BRINP3: variants seen among roughly 807,000 people sequenced by gnomAD.
BRINP3 encodes the protein BMP/retinoic acid-inducible neural-specific protein 3.
BRINP3 carries 19 observed loss-of-function variants against 71.0 expected under a neutral mutation model. The observed-to-expected ratio is 0.27, with a 90% CI of 0.19 to 0.39. BRINP3 has a LOEUF of 0.39. Ranked by LOEUF, BRINP3 falls within the 10% of genes least tolerant of loss-of-function variation. BRINP3 has a pLI of 1.00. For missense variants in BRINP3, 959 were observed against 940.8 expected (o/e 1.02, Z -0.25); for synonymous variants, 380 against 337.7 (o/e 1.13, Z -1.37).
At chr1:190,188,651 C>A (rs191418937) in intron 6 of BRINP3, among the ~76,000 whole-genome samples, 1 of 151,780 alleles carries the variant, frequency 6.6e-6, no homozygotes, top group East Asian at 1.9e-4. Context: ...TATTGTATCA[C>A]ATTTATTGCT....
chr1:190,463,137 G>A (rs1676505455), intron 1 of BRINP3, among the ~76,000 whole-genome samples: 1 of 151,716 alleles, frequency 6.6e-6, no homozygotes, highest in Non-Finnish European at 1.5e-5. Flanking sequence ...AAAATTGTAA[G>A]ATTAATCCAG....
At chr1:190,202,517 G>A (rs959023708) in intron 6 of BRINP3, among the ~76,000 whole-genome samples, 1 of 152,050 alleles carries the variant, frequency 6.6e-6, no homozygotes, top group Non-Finnish European at 1.5e-5. Flanking sequence ...GAAGATACAC[G>A]ATTTGGGAGG....
chr1:190,328,197 T>G (rs1228613482), intron 2 of BRINP3, among the ~76,000 whole-genome samples: 1 of 151,658 alleles, frequency 6.6e-6, no homozygotes, highest in Non-Finnish European at 1.5e-5. Context: ...AGAAAAGAAA[T>G]AACTAAAATC....
At chr1:190,278,919 A>G (rs76059854) in intron 3 of BRINP3, among the ~76,000 whole-genome samples, 2,318 of 151,796 alleles carry the variant, frequency 0.015, 75 homozygotes, top group African/African-American at 0.052. Context: ...GGCATCCACC[A>G]TATCAACATA....
intron 2 of BRINP3, among the ~76,000 whole-genome samples, chr1:190,327,609 C>G (rs1288229382): frequency 6.6e-6 from 1 of 151,904 alleles, no homozygotes; most frequent in Non-Finnish European, 1.5e-5. Context: ...AATTTGCTAT[C>G]TAAACATATA....
In BRINP3 at chr1:190,439,328, TG is replaced by T. The variant is rs535567384; in HGVS notation, c.236+15326del. ...TGGGTATATTAATTAATTAATATAATGTTTTTTTATATAACCTCAGTACCTT... is the reference window on the plus strand; with the variant it reads ...TGGGTATATTAATTAATTAATATAATTTTTTTTATATAACCTCAGTACCTT... On this transcript the variant is annotated intron_variant, in intron 2 of 7. Coordinates refer to ENST00000367462, the MANE Select transcript of BRINP3 (RefSeq NM_199051.3). 8.8e-3 allele frequency among the ~76,000 whole-genome samples: 1,339 copies of T among 152,022 alleles called. 17 individuals carry two copies. Among genetic ancestry groups the T allele is most frequent in the African/African-American group, 0.03 (1,242 of 41,538 alleles).
chr1:190,313,315 A>C (rs1367556504), intron 2 of BRINP3, among the ~76,000 whole-genome samples: 2 of 151,982 alleles, frequency 1.3e-5, no homozygotes, highest in Non-Finnish European at 2.9e-5. Flanking sequence ...TCATGTTAAT[A>C]GGAAACATGT....
At chr1:190,115,991 C>T (rs894287817) in intron 7 of BRINP3, among the ~76,000 whole-genome samples, 8 of 152,070 alleles carry the variant, frequency 5.3e-5, no homozygotes, top group African/African-American at 1.7e-4. Flanking sequence ...ATTAACTTTG[C>T]TAATTCATTC....
chr1:190,234,845 A>G (rs1233975033), intron 4 of BRINP3, among the ~76,000 whole-genome samples: 1 of 152,130 alleles, frequency 6.6e-6, no homozygotes, highest in Non-Finnish European at 1.5e-5. Context: ...TTTTTACTCA[A>G]TAAATCAGAG....
At chr1:190,447,992 T>C (rs2102595409) in intron 2 of BRINP3, among the ~76,000 whole-genome samples, 1 of 151,816 alleles carries the variant, frequency 6.6e-6, no homozygotes, top group East Asian at 1.9e-4. Context: ...CTTTTTAGTA[T>C]ACATTTGTAT....
At chr1:190,207,098 T>C (rs1272811053) in intron 6 of BRINP3, among the ~76,000 whole-genome samples, 1 of 151,938 alleles carries the variant, frequency 6.6e-6, no homozygotes, top group Non-Finnish European at 1.5e-5. Context: ...AACTTTGTGA[T>C]ACACTGAGCT....
At position 190,453,121 on chromosome 1, in the gene BRINP3, A is replaced by G. The variant is rs189220063; in HGVS notation, c.236+1534T>C. 8.3e-4 allele frequency among the ~76,000 whole-genome samples: 126 copies of G among 151,846 alleles called. 1 individual carries two copies. The highest frequency in any genetic ancestry group is 2.9e-3 in the African/African-American group (121 of 41,460). ...CTGTGAGGAAAAACTGGCTAAATCAATAAACACACATAAAAATAAATGAAC... is the reference window on the plus strand; with the variant it reads ...CTGTGAGGAAAAACTGGCTAAATCAGTAAACACACATAAAAATAAATGAAC... On this transcript the variant is annotated intron_variant, in intron 2 of 7. Transcript: ENST00000367462.
intron 1 of BRINP3, among the ~76,000 whole-genome samples, chr1:190,471,250 G>C (rs1325187868): frequency 1.3e-5 from 2 of 151,096 alleles, no homozygotes; most frequent in Non-Finnish European, 3.0e-5. Context: ...TATATCTTCA[G>C]TAGAAAGGTC....
At chr1:190,424,185 G>A (rs1673556452) in intron 2 of BRINP3, among the ~76,000 whole-genome samples, 1 of 151,582 alleles carries the variant, frequency 6.6e-6, no homozygotes, top group South Asian at 2.1e-4. Flanking sequence ...CCTATGTTGT[G>A]AGTTCTAACC....
chr1:190,152,178 ATTG>A (rs1393513795), intron 7 of BRINP3, among the ~76,000 whole-genome samples: 3 of 152,050 alleles, frequency 2.0e-5, no homozygotes, highest in Admixed American at 6.6e-5. Flanking sequence ...ATTATTTTAG[ATTG>A]TTGTCAGTAA....
rs577886559 is a variant in BRINP3, at chr1:190,246,447, T to C, written c.619-11970A>G. On this transcript the variant is annotated intron_variant, in intron 4 of 7. Transcript: ENST00000367462. ...CTATGAATTTTGGGTCTCTAGAAGTTGTCTTTAACCATACAACCAGGTGAT... is the reference window on the plus strand; with the variant it reads ...CTATGAATTTTGGGTCTCTAGAAGTCGTCTTTAACCATACAACCAGGTGAT... Among the ~76,000 whole-genome samples, 70 of 152,086 alleles carry C rather than the reference T, an allele frequency of 4.6e-4. 1 individual carries two copies. Among genetic ancestry groups the C allele is most frequent in the African/African-American group, 1.6e-3 (68 of 41,524 alleles).
chr1:190,383,027 G>T (rs1446895406), intron 2 of BRINP3, among the ~76,000 whole-genome samples: 1 of 152,118 alleles, frequency 6.6e-6, no homozygotes, highest in Non-Finnish European at 1.5e-5. Context: ...TCACAGTGGT[G>T]CAGGTGGAAC....
At chr1:190,196,483 A>C (rs1397899951) in intron 6 of BRINP3, among the ~76,000 whole-genome samples, 1 of 152,108 alleles carries the variant, frequency 6.6e-6, no homozygotes, top group Non-Finnish European at 1.5e-5. Flanking sequence ...TTGCATTCCA[A>C]AGTAAACAGT....
intron 6 of BRINP3, among the ~76,000 whole-genome samples, chr1:190,220,500 C>G (rs763993150): frequency 6.6e-6 from 1 of 151,990 alleles, no homozygotes; most frequent in Admixed American, 6.6e-5. Flanking sequence ...TGTAACAAAA[C>G]TGCACGTTCT....
Sources: gnomAD v4.1 joint callset for allele counts (sites outside exome capture counted in the v4.1 genomes callset) on GRCh38, gnomAD v4.1.1 for gene constraint, MANE v1.5 for transcripts, NCBI Gene and HGNC (gene_info 2026-07-23, HGNC 2026-07-21) for gene names.